UGGT2: variants seen among roughly 807,000 people sequenced by gnomAD.
UGGT2 encodes the protein UDP-glucose glycoprotein glucosyltransferase 2.
A neutral mutation model predicts 192.1 loss-of-function variants in UGGT2; 180 were observed. That is an observed-to-expected ratio of 0.94 (90% CI 0.83 to 1.06). The LOEUF (loss-of-function observed/expected upper bound fraction) is 1.06. UGGT2 is among the 50% of genes least tolerant of loss of function. The probability of loss-of-function intolerance (pLI) is 0.00; values close to 1 mark genes in which losing one functional copy is unlikely to be tolerated. For synonymous variants in UGGT2, 580 were observed against 591.0 expected, an observed-to-expected ratio of 0.98 and a Z score of 0.27; for missense variants, 1,849 against 1,795.7, an observed-to-expected ratio of 1.03 and a Z score of -0.54.
intron 29 of UGGT2, among the ~76,000 whole-genome samples, chr13:95,868,725 A>T (rs892687681): frequency 6.6e-6 from 1 of 152,200 alleles, no homozygotes; most frequent in Non-Finnish European, 1.5e-5. Context: ...TGACAACTTT[A>T]GCCATTTAAT....
chr13:95,916,367 A>G (rs538944593), intron 20 of UGGT2, among the ~76,000 whole-genome samples: 1 of 152,320 alleles, frequency 6.6e-6, no homozygotes, highest in South Asian at 2.1e-4. Flanking sequence ...ATCGTCAACA[A>G]AAAGGACTCC....
At chr13:95,951,527 G>A (rs1266446334) in intron 12 of UGGT2, among the ~76,000 whole-genome samples, 1 of 152,198 alleles carries the variant, frequency 6.6e-6, no homozygotes, top group Non-Finnish European at 1.5e-5. Context: ...ATGGAGCTCA[G>A]AATCATACAG....
At chr13:95,960,661 T>C (rs9561997) in intron 12 of UGGT2, among the ~76,000 whole-genome samples, 6,585 of 152,272 alleles carry the variant, frequency 0.043, 263 homozygotes, top group East Asian at 0.19. Flanking sequence ...CCAAGTCTAA[T>C]GAGATTTAGA....
intron 1 of UGGT2, among the ~76,000 whole-genome samples, chr13:96,034,010 C>T (rs1273919762): frequency 6.6e-6 from 1 of 152,172 alleles, no homozygotes; most frequent in Non-Finnish European, 1.5e-5. Flanking sequence ...CCATGGACTG[C>T]AGTGAGAACG....
intron 7 of UGGT2, among the ~76,000 whole-genome samples, chr13:95,991,750 AATC>A (rs1159270990): frequency 2.0e-5 from 3 of 152,184 alleles, no homozygotes; most frequent in South Asian, 2.1e-4. Flanking sequence ...TTTCATATTT[AATC>A]ATCATCTTAA....
intron 5 of UGGT2, among the ~76,000 whole-genome samples, chr13:96,004,649 T>C (rs2051913420): frequency 2.0e-5 from 3 of 151,392 alleles, no homozygotes; most frequent in African/African-American, 7.3e-5. Flanking sequence ...TCATCTAGCA[T>C]TAGGTATATC....
chr13:95,802,026 C>T (rs1260690520), intron 38 of UGGT2, among the ~76,000 whole-genome samples: 2 of 152,270 alleles, frequency 1.3e-5, no homozygotes, highest in South Asian at 2.1e-4. Context: ...TTTCTACCCA[C>T]CTAGAATGTG....
At chr13:95,953,598 T>A (rs534914453) in intron 12 of UGGT2, among the ~76,000 whole-genome samples, 3 of 152,300 alleles carry the variant, frequency 2.0e-5, no homozygotes, top group Admixed American at 2.0e-4. Flanking sequence ...CCAACATAAA[T>A]ATATGCCCTT....
intron 20 of UGGT2, among the ~76,000 whole-genome samples, chr13:95,915,556 T>C (rs1051324358): frequency 2.0e-5 from 3 of 152,234 alleles, no homozygotes; most frequent in East Asian, 3.8e-4. Flanking sequence ...GACATACTTA[T>C]TTAGATGCAA....
intron 27 of UGGT2, among the ~76,000 whole-genome samples, chr13:95,881,612 T>C (rs977421783): frequency 6.6e-5 from 10 of 152,320 alleles, no homozygotes; most frequent in Admixed American, 3.3e-4. Flanking sequence ...AAAACTGATA[T>C]CAAAATTATT....
intron 1 of UGGT2, among the ~76,000 whole-genome samples, chr13:96,049,035 A>G (rs897735542): frequency 1.8e-4 from 28 of 152,242 alleles, no homozygotes; most frequent in Non-Finnish European, 3.5e-4. Context: ...ACAAAAAAAG[A>G]GAATTTTAGA....
chr13:95,907,256 A>G (rs9561977), intron 20 of UGGT2, among the ~76,000 whole-genome samples: 7,836 of 152,250 alleles, frequency 0.051, 302 homozygotes, highest in East Asian at 0.19. Flanking sequence ...AGCGGCTGGG[A>G]AGCTCGAACT....
At chr13:95,842,253 G>A (rs1887949013) in intron 36 of UGGT2, among the ~76,000 whole-genome samples, 1 of 152,058 alleles carries the variant, frequency 6.6e-6, no homozygotes, top group Non-Finnish European at 1.5e-5. Flanking sequence ...CCTTGGATTA[G>A]TTTGCATTTT....
chr13:95,939,399 T>C (rs189548986), intron 16 of UGGT2, among the ~76,000 whole-genome samples: 5 of 152,060 alleles, frequency 3.3e-5, no homozygotes, highest in Non-Finnish European at 7.4e-5. Flanking sequence ...TCCCTTCTAA[T>C]GAAGGCTCCT....
In UGGT2 at chr13:95,998,425, C is replaced by T. The variant is rs769533487; in HGVS notation, c.757+786G>A. On this transcript the variant is annotated intron_variant, in intron 6 of 38. Coordinates refer to ENST00000376747, the MANE Select transcript of UGGT2 (RefSeq NM_020121.4). The stretch of plus-strand genomic sequence containing the variant: ...CAAAAATATTTAAATTACAGTAATA[C>T]GATCTTTATCTGAAGCACATTCAGT... 4.6e-5 allele frequency among the ~76,000 whole-genome samples: 7 copies of T among 152,246 alleles called. No individual in the cohort carries two copies. In the South Asian group the frequency reaches 1.0e-3, roughly 23 times the overall value.
intron 24 of UGGT2, among the ~76,000 whole-genome samples, chr13:95,892,024 C>T (rs548006967): frequency 4.6e-5 from 7 of 152,114 alleles, no homozygotes; most frequent in Admixed American, 6.6e-5. Context: ...ACAAATCAGA[C>T]GTTCTGCTAT....
At chr13:95,933,097 T>A (rs2049342354) in intron 17 of UGGT2, among the ~76,000 whole-genome samples, 1 of 152,190 alleles carries the variant, frequency 6.6e-6, no homozygotes, top group Non-Finnish European at 1.5e-5. Context: ...TTTTGCAGAA[T>A]GAGTTAGGGA....
chr13:95,877,843 A>G lies in UGGT2; in HGVS notation c.3242T>C (p.Val1081Ala). The change falls in exon 28 of 39, where the codon GTT becomes GCT. Residue 1081 changes from valine (V) to alanine (A), a missense_variant. Physicochemically the swap from Val to Ala is moderately conservative, Grantham distance 64. Coordinates refer to ENST00000376747, the MANE Select transcript of UGGT2 (RefSeq NM_020121.4). ...GTATTCTAGTTCATATTCTGCTGTA[A>G]CAGTTTTCTCAGTCTGTGGAGGAAG... ...NIHLKDTEKT[V>A]TAEYELEYLL... 6.2e-7 allele frequency: 1 copy of G among 1,613,156 alleles called. No homozygotes were observed.
intron 10 of UGGT2, chr13:95,983,435 A>G (rs2051190322): frequency 3.4e-6 from 1 of 297,902 alleles, no homozygotes; most frequent in African/African-American, 2.2e-5. Flanking sequence ...ATTGTATTCT[A>G]TCTGCTATAG....
Sources: gnomAD v4.1 joint callset for allele counts (sites outside exome capture counted in the v4.1 genomes callset) on GRCh38, gnomAD v4.1.1 for gene constraint, MANE v1.5 for transcripts, NCBI Gene and HGNC (gene_info 2026-07-23, HGNC 2026-07-21) for gene names.